EPHA6: variants seen among roughly 807,000 people sequenced by gnomAD.
The protein encoded by EPHA6 is ephrin type-A receptor 6.
EPHA6 carries 50 observed loss-of-function variants against 112.0 expected under a neutral mutation model. That is an observed-to-expected ratio of 0.45 (90% CI 0.36 to 0.56). EPHA6 has a LOEUF of 0.56. Ranked by LOEUF, EPHA6 falls within the 20% of genes least tolerant of loss-of-function variation. The pLI is 0.00. For missense variants in EPHA6, 1,280 were observed against 1,417.4 expected (o/e 0.90, Z 1.56); for synonymous variants, 529 against 490.7 (o/e 1.08, Z -1.03).
intron 2 of EPHA6, among the ~76,000 whole-genome samples, chr3:96,977,077 G>T (rs2042553530): frequency 6.6e-6 from 1 of 152,192 alleles, no homozygotes; most frequent in Non-Finnish European, 1.5e-5. Context: ...GAGGTTAAGA[G>T]CTGGCTCTCT....
intron 3 of EPHA6, among the ~76,000 whole-genome samples, chr3:97,221,480 C>A (rs2078198880): frequency 6.6e-6 from 1 of 152,018 alleles, no homozygotes; most frequent in South Asian, 2.1e-4. Context: ...TCTCCACTCG[C>A]TTGTTTCTTG....
intron 5 of EPHA6, among the ~76,000 whole-genome samples, chr3:97,251,522 C>T (rs902972072): frequency 1.3e-5 from 2 of 150,690 alleles, no homozygotes; most frequent in Admixed American, 6.6e-5. Context: ...AGGGAGACTC[C>T]GTCTCAAAAA....
chr3:97,035,418 T>C (rs954730434), intron 3 of EPHA6, among the ~76,000 whole-genome samples: 1 of 151,984 alleles, frequency 6.6e-6, no homozygotes, highest in Non-Finnish European at 1.5e-5. Context: ...ACTAGGACTT[T>C]TTACATAGTG....
At chr3:97,169,354 A>G (rs906162308) in intron 3 of EPHA6, among the ~76,000 whole-genome samples, 23 of 152,156 alleles carry the variant, frequency 1.5e-4, no homozygotes, top group African/African-American at 5.5e-4. Context: ...CTCCACTTTG[A>G]TTTCCTGTTC....
At chr3:97,498,943 C>G (rs948284101) in intron 10 of EPHA6, among the ~76,000 whole-genome samples, 1 of 152,218 alleles carries the variant, frequency 6.6e-6, no homozygotes, top group Admixed American at 6.5e-5. Context: ...TAAGATCTAA[C>G]TGCACTTTGC....
intron 5 of EPHA6, among the ~76,000 whole-genome samples, chr3:97,329,229 G>C (rs1236467342): frequency 6.6e-6 from 1 of 151,322 alleles, no homozygotes; most frequent in Non-Finnish European, 1.5e-5. Flanking sequence ...TTGGACATTT[G>C]GGTTGGTTCC....
chr3:97,028,829 T>G (rs1156402535), intron 3 of EPHA6, among the ~76,000 whole-genome samples: 1 of 151,962 alleles, frequency 6.6e-6, no homozygotes, highest in Non-Finnish European at 1.5e-5. Flanking sequence ...ATATGAACAT[T>G]ATGTCATTTG....
chr3:97,732,020 C>T (rs778160631), intron 15 of EPHA6, among the ~76,000 whole-genome samples: 1 of 151,932 alleles, frequency 6.6e-6, no homozygotes, highest in Non-Finnish European at 1.5e-5. Flanking sequence ...CCTTTGACTC[C>T]CCAGTGCACT....
Position 97,628,747 on chromosome 3 carries a change from G to A in EPHA6, c.2575-9126G>A, listed in dbSNP as rs972437535. Among the ~76,000 whole-genome samples, 16 of 151,908 alleles carry A rather than the reference G, an allele frequency of 1.1e-4. No homozygotes were observed. In the East Asian group the frequency reaches 3.1e-3, roughly 30 times the overall value. On this transcript the variant is annotated intron_variant, in intron 13 of 17. Transcript: ENST00000389672. The stretch of plus-strand genomic sequence containing the variant: ...TCAAATTATAAATCTAGTAAAGATG[G>A]CATTTCACCTTATACTAGTTATTTA...
intron 7 of EPHA6, among the ~76,000 whole-genome samples, chr3:97,450,583 C>T (rs2090492977): frequency 6.6e-6 from 1 of 151,992 alleles, no homozygotes; most frequent in Admixed American, 6.6e-5. Flanking sequence ...TAAATATTAA[C>T]AGTTTGATTT....
intron 11 of EPHA6, among the ~76,000 whole-genome samples, chr3:97,571,386 A>G (rs2093331550): frequency 6.6e-6 from 1 of 152,012 alleles, no homozygotes; most frequent in African/African-American, 2.4e-5. Flanking sequence ...AAAAAAAAAA[A>G]GTTTTAAAGT....
At chr3:97,416,696 T>C (rs2107162359) in intron 6 of EPHA6, among the ~76,000 whole-genome samples, 1 of 152,264 alleles carries the variant, frequency 6.6e-6, no homozygotes, top group Non-Finnish European at 1.5e-5. Context: ...TGTTTAGCAC[T>C]ACAGATTCAC....
intron 15 of EPHA6, among the ~76,000 whole-genome samples, chr3:97,734,009 A>C (rs1255398789): frequency 6.6e-6 from 1 of 152,068 alleles, no homozygotes; most frequent in Non-Finnish European, 1.5e-5. Flanking sequence ...GCCACTTACT[A>C]GCTATGTGAA....
chr3:97,219,147 G>A (rs1157899974), intron 3 of EPHA6, among the ~76,000 whole-genome samples: 1 of 152,118 alleles, frequency 6.6e-6, no homozygotes, highest in Non-Finnish European at 1.5e-5. Context: ...TTATGGGCTG[G>A]CATTGAGTGT....
chr3:97,030,441 A>T (rs963363553), intron 3 of EPHA6, among the ~76,000 whole-genome samples: 1 of 152,074 alleles, frequency 6.6e-6, no homozygotes, highest in African/African-American at 2.4e-5. Context: ...TCTTGCCGTC[A>T]TCCAGAGTTA....
intron 2 of EPHA6, among the ~76,000 whole-genome samples, chr3:96,927,092 T>C (rs926801917): frequency 6.6e-6 from 1 of 152,360 alleles, no homozygotes; most frequent in Non-Finnish European, 1.5e-5. Context: ...ACCTTAATTC[T>C]TGACTTTTGT....
At chr3:97,147,064 G>A (rs903936475) in intron 3 of EPHA6, among the ~76,000 whole-genome samples, 1 of 151,946 alleles carries the variant, frequency 6.6e-6, no homozygotes, top group African/African-American at 2.4e-5. Flanking sequence ...GGCATCATAT[G>A]CTCAAACCAC....
intron 3 of EPHA6, among the ~76,000 whole-genome samples, chr3:97,031,423 A>G (rs1028009113): frequency 6.6e-6 from 1 of 152,152 alleles, no homozygotes; most frequent in Non-Finnish European, 1.5e-5. Flanking sequence ...AAGCAATGGC[A>G]ACAAAAGCCA....
chr3:97,689,721 G>A (rs2032523139), intron 14 of EPHA6, among the ~76,000 whole-genome samples: 1 of 152,016 alleles, frequency 6.6e-6, no homozygotes, highest in Admixed American at 6.5e-5. Flanking sequence ...ATAGAGTTGT[G>A]CAACTATGAC....
Sources: allele counts gnomAD v4.1 joint callset (sites outside exome capture counted in the v4.1 genomes callset), GRCh38; gene constraint gnomAD v4.1.1; transcripts MANE v1.5; gene names NCBI Gene and HGNC (gene_info 2026-07-23, HGNC 2026-07-21).